Variants in MTNAP1 observed in about 807,000 individuals in gnomAD.
MTNAP1 encodes the protein mitochondrial nucleoid-associated protein 1.
At chr17:73,247,408 A>G in the MTNAP1 span, 42 of 1,523,408 alleles carry the variant, frequency 2.8e-5, no homozygotes, top group South Asian at 5.6e-5. Context: ...TGTGTTGCCC[A>G]CTGAATTGCC....
the MTNAP1 span, chr17:73,245,111 T>A: frequency 6.5e-7 from 1 of 1,531,886 alleles, no homozygotes; most frequent in Non-Finnish European, 9.0e-7. Context: ...CAAAAGATAG[T>A]AACAGTCATT....
chr17:73,234,097 A>G, the MTNAP1 span, among the ~76,000 whole-genome samples: 1 of 152,084 alleles, frequency 6.6e-6, no homozygotes, highest in East Asian at 1.9e-4. Flanking sequence ...TAATATTTAA[A>G]CGTTTATATC....
At chr17:73,238,936 T>TG in the MTNAP1 span, among the ~76,000 whole-genome samples, 17 of 150,346 alleles carry the variant, frequency 1.1e-4, no homozygotes, top group African/African-American at 1.7e-4. Context: ...TGTGTGTGTG[T>TG]TTTGTTTTTT....
At chr17:73,236,501 C>T in the MTNAP1 span, 1 of 1,614,202 alleles carries the variant, frequency 6.2e-7, no homozygotes, top group Non-Finnish European at 8.5e-7. Context: ...ACCAGGGATT[C>T]AGTCACAGGA....
chr17:73,242,386 A>G, the MTNAP1 span: 725,284 of 1,398,280 alleles, frequency 0.52, 190,008 homozygotes, highest in East Asian at 0.63. Context: ...CTTCTGTTGC[A>G]GGTTCTGGGC....
the MTNAP1 span, among the ~76,000 whole-genome samples, chr17:73,246,433 G>A: frequency 6.6e-3 from 1,001 of 152,320 alleles, 19 homozygotes; most frequent in African/African-American, 0.023. Context: ...CTACTCAGGA[G>A]GTTGAGGCAG....
the MTNAP1 span, chr17:73,245,115 A>C: frequency 1.3e-6 from 2 of 1,541,350 alleles, no homozygotes; most frequent in Admixed American, 3.4e-5. Context: ...AGATAGTAAC[A>C]GTCATTGGAA....
chr17:73,236,621 C>G, the MTNAP1 span: 1 of 1,614,026 alleles, frequency 6.2e-7, no homozygotes, highest in Non-Finnish European at 8.5e-7. Context: ...GCCTCTCTAG[C>G]TACAACATTT....
chr17:73,245,266 C>A, the MTNAP1 span: 1 of 1,560,706 alleles, frequency 6.4e-7, no homozygotes, highest in Non-Finnish European at 8.7e-7. Flanking sequence ...ACATACTTAA[C>A]AGTTTAAAAA....
the MTNAP1 span, chr17:73,242,338 A>G: frequency 6.3e-7 from 1 of 1,585,920 alleles, no homozygotes; most frequent in East Asian, 2.3e-5. Context: ...GGCTCTTGGG[A>G]GCTGTACAAA....
At chr17:73,242,812 C>A in the MTNAP1 span, 2 of 1,042,578 alleles carry the variant, frequency 1.9e-6, no homozygotes, top group Non-Finnish European at 1.4e-6. Flanking sequence ...ATCACTCAGG[C>A]TAACTGGGAA....
chr17:73,242,341 T>C, the MTNAP1 span: 5 of 1,579,780 alleles, frequency 3.2e-6, no homozygotes, highest in East Asian at 6.8e-5. Context: ...TCTTGGGAGC[T>C]GTACAAAAAG....
chr17:73,241,922 G>C, the MTNAP1 span, among the ~76,000 whole-genome samples: 3 of 152,136 alleles, frequency 2.0e-5, no homozygotes, highest in African/African-American at 7.2e-5. Flanking sequence ...GAGTGAGACT[G>C]TGTCAAAAAC....
At chr17:73,234,237 A>G in the MTNAP1 span, among the ~76,000 whole-genome samples, 1 of 152,230 alleles carries the variant, frequency 6.6e-6, no homozygotes, top group Non-Finnish European at 1.5e-5. Context: ...TAGAAAGGAA[A>G]TAACTTTCAA....
chr17:73,248,341 A>C, the MTNAP1 span: 2 of 715,738 alleles, frequency 2.8e-6, no homozygotes. Flanking sequence ...TCACAGAGCC[A>C]AGGAAAGAAA....
At chr17:73,241,914 G>A in the MTNAP1 span, among the ~76,000 whole-genome samples, 1 of 152,190 alleles carries the variant, frequency 6.6e-6, no homozygotes, top group Non-Finnish European at 1.5e-5. Context: ...GGGCGAGAGA[G>A]TGAGACTGTG....
chr17:73,245,077 C>A, the MTNAP1 span: 1 of 1,250,644 alleles, frequency 8.0e-7, no homozygotes, highest in Non-Finnish European at 1.1e-6. Context: ...ACTTATAAAA[C>A]AAAAAGAGAA....
At chr17:73,238,768 C>T in the MTNAP1 span, among the ~76,000 whole-genome samples, 397 of 152,210 alleles carry the variant, frequency 2.6e-3, 3 homozygotes, top group African/African-American at 9.2e-3. Context: ...GCACAGAGAG[C>T]ATAAGTGATT....
chr17:73,234,256 T>G, the MTNAP1 span, among the ~76,000 whole-genome samples: 1 of 152,082 alleles, frequency 6.6e-6, no homozygotes, highest in Admixed American at 6.6e-5. Flanking sequence ...AACTAAACAT[T>G]GGAATTAAAC....
Sources: gnomAD v4.1 joint callset for allele counts (sites outside exome capture counted in the v4.1 genomes callset) on GRCh38, gnomAD v4.1.1 for gene constraint, MANE v1.5 for transcripts, NCBI Gene and HGNC (gene_info 2026-07-23, HGNC 2026-07-21) for gene names.